The following CCDC91 variants were observed in gnomAD, a reference collection of about 807,000 sequenced individuals.
CCDC91 encodes coiled-coil domain containing 91.
CCDC91 carries 48 observed loss-of-function variants against 63.2 expected under a neutral mutation model. The ratio of observed to expected loss-of-function variants is 0.76; its 90% CI spans 0.60 to 0.97. The LOEUF is 0.97. Among genes scored for constraint, CCDC91 ranks in the 50% least tolerant of loss-of-function variants. The pLI, the probability that CCDC91 is intolerant of heterozygous loss-of-function variation, is 0.00. For missense variants in CCDC91, 500 were observed against 494.6 expected, an observed-to-expected ratio of 1.01 and a Z score of -0.10; for synonymous variants, 167 against 165.8, an observed-to-expected ratio of 1.01 and a Z score of -0.06.
chr12:28,296,679 G>A (rs978828320), intron 3 of CCDC91, among the ~76,000 whole-genome samples: 7 of 151,792 alleles, frequency 4.6e-5, no homozygotes, highest in African/African-American at 1.7e-4. Flanking sequence ...TTTCCTGTGA[G>A]TAACCCTCCT....
chr12:28,294,801 T>G (rs1949459768), intron 3 of CCDC91, among the ~76,000 whole-genome samples: 1 of 152,064 alleles, frequency 6.6e-6, no homozygotes, highest in Non-Finnish European at 1.5e-5. Flanking sequence ...GCCAGGCTGG[T>G]TTGGAACTCC....
chr12:28,450,322 T>G (rs1302077112), intron 9 of CCDC91, 28 bp from the exon 10 acceptor site: 1 of 1,600,800 alleles, frequency 6.2e-7, no homozygotes, highest in Non-Finnish European at 8.6e-7. Context: ...ACATTTAATG[T>G]CTTTCCAACT....
At chr12:28,534,070 A>G (rs1329648994) in intron 12 of CCDC91, among the ~76,000 whole-genome samples, 2 of 152,142 alleles carry the variant, frequency 1.3e-5, no homozygotes, top group Non-Finnish European at 2.9e-5. Context: ...TTCATCTTCT[A>G]TCATAAAACT....
chr12:28,473,938 C>T (rs562575892), intron 11 of CCDC91, among the ~76,000 whole-genome samples: 1 of 151,186 alleles, frequency 6.6e-6, no homozygotes, highest in South Asian at 2.1e-4. Context: ...ATGATCCACT[C>T]GGAAATTTAA....
At chr12:28,230,775 T>C (rs1259321524) in intron 1 of CCDC91, among the ~76,000 whole-genome samples, 1 of 152,028 alleles carries the variant, frequency 6.6e-6, no homozygotes, top group Non-Finnish European at 1.5e-5. Flanking sequence ...AGGTGTGTAC[T>C]ACCAGGCCCA....
intron 8 of CCDC91, among the ~76,000 whole-genome samples, chr12:28,393,693 GC>G (rs1946095587): frequency 6.6e-6 from 1 of 152,174 alleles, no homozygotes; most frequent in South Asian, 2.1e-4. Flanking sequence ...GTTGCTGAAA[GC>G]CTTCTCAGTT....
intron 12 of CCDC91, among the ~76,000 whole-genome samples, chr12:28,489,781 G>T (rs900357842): frequency 9.2e-5 from 14 of 151,816 alleles, no homozygotes; most frequent in African/African-American, 3.1e-4. Flanking sequence ...CAGTTTTGCT[G>T]CAATATTCTT....
intron 1 of CCDC91, among the ~76,000 whole-genome samples, chr12:28,214,651 T>C (rs1053028258): frequency 2.0e-5 from 3 of 152,166 alleles, no homozygotes; most frequent in Admixed American, 6.5e-5. Flanking sequence ...ATAGTTCGAC[T>C]ATATATAATA....
chr12:28,519,894 T>C (rs1940415811), intron 12 of CCDC91, among the ~76,000 whole-genome samples: 1 of 152,018 alleles, frequency 6.6e-6, no homozygotes, highest in Admixed American at 6.6e-5. Flanking sequence ...ACAAAGGACA[T>C]GAACTCTTCC....
intron 1 of CCDC91, among the ~76,000 whole-genome samples, chr12:28,231,798 G>T (rs564121187): frequency 6.6e-6 from 1 of 152,194 alleles, no homozygotes; most frequent in African/African-American, 2.4e-5. Context: ...TATATGAGTG[G>T]CTGGAGATAT....
chr12:28,272,989 C>G (rs1947888726), intron 3 of CCDC91, among the ~76,000 whole-genome samples: 1 of 136,620 alleles, frequency 7.3e-6, no homozygotes, highest in Admixed American at 7.4e-5. Context: ...TCCCTTCCCC[C>G]TCCCCCCACC....
intron 8 of CCDC91, among the ~76,000 whole-genome samples, chr12:28,436,160 T>C (rs11049598): frequency 0.2 from 30,564 of 151,782 alleles, 4,036 homozygotes; most frequent in Non-Finnish European, 0.3. Context: ...ACCCTTTTTT[T>C]CCTAATTTTG....
At chr12:28,296,127 TTTTTTTAAATTTTA>T (rs1307752851) in intron 3 of CCDC91, among the ~76,000 whole-genome samples, 1 of 151,582 alleles carries the variant, frequency 6.6e-6, no homozygotes, top group African/African-American at 2.4e-5. Context: ...GGGAATGAAA[TTTTTTTAAATTTTA>T]TTTTTTAAAT....
chr12:28,330,552 A>G (rs528231658), intron 6 of CCDC91, among the ~76,000 whole-genome samples: 2 of 151,442 alleles, frequency 1.3e-5, no homozygotes, highest in Admixed American at 6.6e-5. Flanking sequence ...ATTTTCTTCC[A>G]TTCTGTAGGT....
At chr12:28,438,240 T>G (rs1308920340) in intron 8 of CCDC91, among the ~76,000 whole-genome samples, 1 of 152,098 alleles carries the variant, frequency 6.6e-6, no homozygotes, top group Non-Finnish European at 1.5e-5. Flanking sequence ...TAGTAAGAGG[T>G]GGGCCCTTTG....
At chr12:28,286,984 C>G (rs550926633) in intron 3 of CCDC91, among the ~76,000 whole-genome samples, 1 of 152,098 alleles carries the variant, frequency 6.6e-6, no homozygotes, top group Admixed American at 6.5e-5. Flanking sequence ...AGCTTTTTTT[C>G]ATATGCTTGT....
intron 1 of CCDC91, among the ~76,000 whole-genome samples, chr12:28,206,665 G>C (rs1942878757): frequency 6.6e-6 from 1 of 152,134 alleles, no homozygotes; most frequent in Admixed American, 6.5e-5. Context: ...AATACCTGAT[G>C]TTTTCTCTAT....
chr12:28,328,520 A>G (rs1941219209), intron 6 of CCDC91, among the ~76,000 whole-genome samples: 1 of 152,176 alleles, frequency 6.6e-6, no homozygotes, highest in South Asian at 2.1e-4. Context: ...GCAACATAAT[A>G]ATTTGTAAGG....
rs138853173 is a variant in CCDC91, at chr12:28,362,456, T to C, written c.595T>C (p.Leu199=). ...KELQEKHKQE[L]EDMRKAGHEA... ...CTTTCAGGAAAAACATAAACAAGAATTGGAAGACATGAGGAAAGCTGGTCA... is the reference window on the plus strand; with the variant it reads ...CTTTCAGGAAAAACATAAACAAGAACTGGAAGACATGAGGAAAGCTGGTCA... Residue 199 remains leucine (L), a synonymous_variant, in exon 7 of 13, where the codon TTG becomes CTG. Transcript: ENST00000536442. 8.2e-5 allele frequency: 130 copies of C among 1,592,020 alleles called. No homozygotes were observed. The African/African-American group carries it at 1.6e-3, about 19-fold the overall frequency.
Sources: gnomAD v4.1 joint callset for allele counts (sites outside exome capture counted in the v4.1 genomes callset) on GRCh38, gnomAD v4.1.1 for gene constraint, MANE v1.5 for transcripts, NCBI Gene and HGNC (gene_info 2026-07-23, HGNC 2026-07-21) for gene names.